SLC22A24: variants seen among roughly 807,000 people sequenced by gnomAD.
SLC22A24 encodes steroid transmembrane transporter SLC22A24.
In SLC22A24, 53 loss-of-function variants were observed where a neutral mutation model predicts 49.8. The observed-to-expected ratio is 1.06, with a 90% CI of 0.85 to 1.34. SLC22A24 has a LOEUF of 1.34. Among genes scored for constraint, SLC22A24 ranks in the 40% most tolerant of loss-of-function variants. The pLI, the probability that SLC22A24 is intolerant of heterozygous loss-of-function variation, is 0.00. For missense variants in SLC22A24, 786 were observed against 675.9 expected, an observed-to-expected ratio of 1.16 and a Z score of -1.81; for synonymous variants, 302 against 256.4, an observed-to-expected ratio of 1.18 and a Z score of -1.70.
intron 4 of SLC22A24, among the ~76,000 whole-genome samples, chr11:63,116,608 A>G (rs2087214787): frequency 6.6e-6 from 1 of 151,850 alleles, no homozygotes; most frequent in African/African-American, 2.4e-5. Flanking sequence ...ACAGTTTTTG[A>G]ATTTCTTGGG....
At chr11:63,107,586 T>C (rs979282929) in intron 4 of SLC22A24, among the ~76,000 whole-genome samples, 1 of 152,172 alleles carries the variant, frequency 6.6e-6, no homozygotes, top group African/African-American at 2.4e-5. Context: ...TTTCCACTTG[T>C]TTGTGTCCTC....
chr11:63,135,077 A>G (rs916837678), intron 1 of SLC22A24, among the ~76,000 whole-genome samples: 1 of 152,122 alleles, frequency 6.6e-6, no homozygotes, highest in Non-Finnish European at 1.5e-5. Context: ...GCATTACCTT[A>G]TACACATTTT....
intron 1 of SLC22A24, among the ~76,000 whole-genome samples, chr11:63,139,866 T>C (rs1318788250): frequency 6.6e-6 from 1 of 152,034 alleles, no homozygotes; most frequent in East Asian, 1.9e-4. Context: ...AACTGGCAAA[T>C]GAAAAATCTT....
chr11:63,095,893 A>G (rs879839858), intron 6 of SLC22A24, 98 bp downstream of exon 6: 3 of 883,860 alleles, frequency 3.4e-6, no homozygotes, highest in Non-Finnish European at 5.4e-6. Context: ...TCTCTTATGT[A>G]TTAAATGTCC....
At chr11:63,128,578 C>G (rs183671176) in intron 2 of SLC22A24, among the ~76,000 whole-genome samples, 1 of 152,278 alleles carries the variant, frequency 6.6e-6, no homozygotes, top group Non-Finnish European at 1.5e-5. Flanking sequence ...ATCCTGTACA[C>G]CTGGCTCTGC....
intron 6 of SLC22A24, among the ~76,000 whole-genome samples, chr11:63,090,917 A>C (rs909434796): frequency 6.6e-6 from 1 of 152,078 alleles, no homozygotes; most frequent in Non-Finnish European, 1.5e-5. Context: ...AGAAGACAAG[A>C]ATTAAGAAAT....
At chr11:63,118,817 G>T (rs2134666144) in intron 4 of SLC22A24, 95 bp downstream of exon 4, 3 of 1,310,254 alleles carry the variant, frequency 2.3e-6, no homozygotes, top group South Asian at 1.3e-5. Context: ...CTCAGGACTA[G>T]GCCAGAGACC....
At chr11:63,087,968 G>A (rs563032450) in intron 6 of SLC22A24, among the ~76,000 whole-genome samples, 1 of 152,252 alleles carries the variant, frequency 6.6e-6, no homozygotes, top group East Asian at 1.9e-4. Context: ...GGGAAGGAGT[G>A]GCTGTGGGCG....
intron 4 of SLC22A24, among the ~76,000 whole-genome samples, chr11:63,113,377 T>C (rs1234684891): frequency 6.6e-6 from 1 of 151,842 alleles, no homozygotes; most frequent in Non-Finnish European, 1.5e-5. Flanking sequence ...AGCATGTTTT[T>C]GCAGTGGCTG....
chr11:63,113,372 G>T (rs533189494), intron 4 of SLC22A24, among the ~76,000 whole-genome samples: 1 of 151,800 alleles, frequency 6.6e-6, no homozygotes, highest in South Asian at 2.1e-4. Flanking sequence ...AAGTTAGCAT[G>T]TTTTTGCAGT....
intron 8 of SLC22A24, 93 bp from the exon 9 acceptor site, chr11:63,081,216 C>T: frequency 9.3e-7 from 1 of 1,078,110 alleles, no homozygotes; most frequent in Non-Finnish European, 1.4e-6. Flanking sequence ...ACCAGTACAA[C>T]AGAGTTACTA....
intron 4 of SLC22A24, among the ~76,000 whole-genome samples, chr11:63,111,809 T>A (rs967873328): frequency 6.6e-6 from 1 of 152,186 alleles, no homozygotes; most frequent in Non-Finnish European, 1.5e-5. Flanking sequence ...AGCTCCTGGA[T>A]TCATTAATTT....
rs1459846252 is a variant in SLC22A24, at chr11:63,104,257, T to G, written c.872A>C (p.Gln291Pro). 1 of 1,550,796 alleles carries G rather than the reference T, an allele frequency of 6.4e-7. No homozygotes were observed. The highest frequency in any genetic ancestry group is 2.4e-5 in the East Asian group (1 of 40,904). Reference protein sequence around the residue: ...ESARWLIINNQLDEGLKELRR... With the variant: ...ESARWLIINNPLDEGLKELRR... ...AAGCTCCTTTAAGCCCTCATCTAGC[T>G]GATTGTTGATAATCAGCCACCGAGC... is the stretch of plus-strand genomic sequence containing the variant. The change falls in exon 5 of 10, where the codon CAG becomes CCG. Residue 291 changes from glutamine (Q) to proline (P), a missense_variant. Coordinates refer to ENST00000612278, the MANE Select transcript of SLC22A24 (RefSeq NM_001136506.2).
chr11:63,085,931 G>T (rs2086984636), intron 6 of SLC22A24, among the ~76,000 whole-genome samples: 1 of 152,178 alleles, frequency 6.6e-6, no homozygotes. Flanking sequence ...GTGCCTGAAA[G>T]CAGTCTGGTT....
chr11:63,103,660 G>A (rs979885352), intron 5 of SLC22A24, among the ~76,000 whole-genome samples: 1 of 152,122 alleles, frequency 6.6e-6, no homozygotes, highest in African/African-American at 2.4e-5. Flanking sequence ...TACCCCTGAT[G>A]AAGACAATGT....
At chr11:63,095,656 G>T (rs1383175026) in intron 6 of SLC22A24, among the ~76,000 whole-genome samples, 2 of 152,108 alleles carry the variant, frequency 1.3e-5, no homozygotes, top group Non-Finnish European at 2.9e-5. Flanking sequence ...GATCTAGACA[G>T]CCAGTTGATG....
intron 1 of SLC22A24, among the ~76,000 whole-genome samples, chr11:63,136,765 T>C (rs1341532140): frequency 3.3e-5 from 5 of 152,202 alleles, no homozygotes; most frequent in Non-Finnish European, 7.3e-5. Flanking sequence ...CATGGTTCAG[T>C]GGCCCCCTCT....
intron 5 of SLC22A24, among the ~76,000 whole-genome samples, chr11:63,097,418 G>A (rs1160381704): frequency 6.6e-6 from 1 of 152,136 alleles, no homozygotes; most frequent in Non-Finnish European, 1.5e-5. Context: ...TAAAAAGTCA[G>A]GAAACAACAG....
intron 4 of SLC22A24, among the ~76,000 whole-genome samples, chr11:63,117,564 G>T (rs931594290): frequency 1.3e-5 from 2 of 152,066 alleles, no homozygotes; most frequent in Non-Finnish European, 2.9e-5. Flanking sequence ...GAGATGGCAA[G>T]ACCAACTCCT....
Sources: gnomAD v4.1 joint callset for allele counts (sites outside exome capture counted in the v4.1 genomes callset) on GRCh38, gnomAD v4.1.1 for gene constraint, MANE v1.5 for transcripts, NCBI Gene and HGNC (gene_info 2026-07-23, HGNC 2026-07-21) for gene names.